The following ANAPC2 variants were observed in gnomAD, a reference collection of about 807,000 sequenced individuals.
ANAPC2 encodes the protein anaphase-promoting complex subunit 2.
A neutral mutation model predicts 84.3 loss-of-function variants in ANAPC2; 29 were observed. The ratio of observed to expected loss-of-function variants is 0.34; its 90% CI spans 0.26 to 0.47. The LOEUF is 0.47. Ranked by LOEUF, ANAPC2 falls within the 20% of genes least tolerant of loss-of-function variation. The pLI, the probability that ANAPC2 is intolerant of heterozygous loss-of-function variation, is 1.00. For synonymous variants in ANAPC2, 571 were observed against 479.4 expected (o/e 1.19, Z -2.50); for missense variants, 857 against 1,131.7 (o/e 0.76, Z 3.48).
intron 10 of ANAPC2, among the ~76,000 whole-genome samples, chr9:137,178,884 G>A (rs377596689): frequency 5.3e-5 from 8 of 152,314 alleles, no homozygotes; most frequent in South Asian, 2.1e-4. Context: ...GTCTGTCTCC[G>A]GAAGGAAGCT....
chr9:137,180,496 G>T lies in ANAPC2; in HGVS notation c.1642C>A (p.Arg548Ser). The T allele has an allele frequency of 6.2e-7, 1 of 1,613,012 alleles. No individual in the cohort carries two copies. Among genetic ancestry groups the T allele is most frequent in the Non-Finnish European group, 8.5e-7 (1 of 1,179,928 alleles). Reference protein sequence around the residue: ...EIRNVELLKLRFGEAPMHFCE... With the variant: ...EIRNVELLKLSFGEAPMHFCE... ...AAGTGCATTGGGGCCTCGCCAAAGC[G>T]CAGCTTCAGCAGCTCCACGTTGCGG... is the stretch of plus-strand genomic sequence containing the variant. The change falls in exon 9 of 13, where the codon CGC becomes AGC. Residue 548 changes from arginine to serine, a missense_variant. By Grantham distance (110) the Arg-to-Ser change is moderately radical. Around this residue, in one of 3 missense-constraint regions of ANAPC2, gnomAD observed 425 missense variants for 595.5 expected, o/e 0.71. Coordinates refer to ENST00000323927, the MANE Select transcript of ANAPC2 (RefSeq NM_013366.4).
chr9:137,181,894 T>C (rs58384967), intron 6 of ANAPC2, 32 bp from the exon 7 acceptor site: 118,438 of 1,582,094 alleles, frequency 0.075, 8,671 homozygotes, highest in East Asian at 0.37. Context: ...TGGCCCACAG[T>C]GTGGACACCC....
At position 137,180,545 on chromosome 9, in the gene ANAPC2, T is replaced by G. The variant is rs1408954782; in HGVS notation, c.1611-18A>C. 3 of 1,612,692 alleles carry G rather than the reference T, an allele frequency of 1.9e-6. No homozygotes were observed. The highest frequency in any genetic ancestry group is 2.7e-5 in the African/African-American group (2 of 74,934). ...GGATCTCCCTGGAAAGACGAGTGTC[T>G]GGGCAGGGGGTCGTGATGAGCCCCA... On this transcript the variant is annotated intron_variant, in intron 8 of 12. Transcript: ENST00000323927.
chr9:137,179,113 C>T (rs2131333067), intron 10 of ANAPC2, among the ~76,000 whole-genome samples: 1 of 152,320 alleles, frequency 6.6e-6, no homozygotes, highest in African/African-American at 2.4e-5. Context: ...CCTGAGGCTG[C>T]TCCTCCTGCC....
Position 137,175,384 on chromosome 9 carries a change from A to G in ANAPC2, c.2109T>C (p.Gly703=). The G allele has an allele frequency of 6.2e-7, 1 of 1,609,140 alleles. No homozygotes were observed. Residue 703 remains glycine, a synonymous_variant, in exon 12 of 13, where the codon GGT becomes GGC. Coordinates refer to ENST00000323927, the MANE Select transcript of ANAPC2 (RefSeq NM_013366.4). ...RRRMSVWLQQ[G]VLREEPPGTF... is the part of the protein sequence containing the mutation. Reference sequence around the variant, plus strand: ...TGCCGGGGGGCTCCTCACGCAGCACACCCTGCTGCAGCCACACGGACATCC... The same window carrying G: ...TGCCGGGGGGCTCCTCACGCAGCACGCCCTGCTGCAGCCACACGGACATCC...
chr9:137,179,418 A>C (rs1834293984), intron 10 of ANAPC2, among the ~76,000 whole-genome samples: 1 of 152,074 alleles, frequency 6.6e-6, no homozygotes, highest in Non-Finnish European at 1.5e-5. Flanking sequence ...CTCCCACCTG[A>C]CTATGAGCTC....
At chr9:137,175,211 G>GC (rs1834182086) in intron 12 of ANAPC2, 26 bp downstream of exon 12, 14 of 1,607,384 alleles carry the variant, frequency 8.7e-6, no homozygotes, top group East Asian at 4.5e-5. Flanking sequence ...CCGCCCCCTG[G>GC]CCCCCCGTGG....
Position 137,187,499 on chromosome 9 carries a change from T to C in ANAPC2, c.722A>G (p.His241Arg). 1 of 1,607,886 alleles carries C rather than the reference T, an allele frequency of 6.2e-7. No individual in the cohort carries two copies. The highest frequency in any genetic ancestry group is 8.5e-7 in the Non-Finnish European group (1 of 1,175,074). ...CWCRQALEQFHQLSQVLHRLS... is the reference protein window; with the variant it reads ...CWCRQALEQFRQLSQVLHRLS... The stretch of plus-strand genomic sequence containing the variant: ...TACTCACAAGACCTGGCTGAGCTGA[T>C]GGAACTGCTCCAGAGCCTGGCGACA... Residue 241 changes from histidine to arginine, a missense_variant, in exon 2 of 13, where the codon CAT becomes CGT. Physicochemically the swap from His to Arg is conservative, Grantham distance 29 (BLOSUM62 0). Transcript: ENST00000323927.
chr9:137,185,989 C>T lies in ANAPC2; in HGVS notation c.873+235G>A, dbSNP rs760949720. ...CCCTCGGGATCCTGGCCCGATACCG[C>T]CTGCAGCCATGGGATTCTGCGCAGA... On this transcript the variant is annotated intron_variant, in intron 3 of 12. Coordinates refer to ENST00000323927, the MANE Select transcript of ANAPC2 (RefSeq NM_013366.4). Among the ~76,000 whole-genome samples, 25 of 152,312 alleles carry T rather than the reference C, an allele frequency of 1.6e-4. No individual in the cohort carries two copies. In the Middle Eastern group the frequency reaches 0.01, roughly 62 times the overall value.
In ANAPC2 at chr9:137,175,772, G is replaced by C; in HGVS notation, c.1956C>G (p.Asp652Glu). 1 of 1,611,592 alleles carries C rather than the reference G, an allele frequency of 6.2e-7. No individual in the cohort carries two copies. Among genetic ancestry groups the C allele is most frequent in the Non-Finnish European group, 8.5e-7 (1 of 1,179,360 alleles). Residue 652 changes from aspartate to glutamate, a missense_variant, in exon 11 of 13, where the codon GAC (aspartate) becomes GAG (glutamate). Asp to Glu is a conservative substitution (Grantham distance 45). This residue lies in a region of ANAPC2 where 425 missense variants were observed against 595.5 expected (regional missense o/e 0.71). Coordinates refer to ENST00000323927, the MANE Select transcript of ANAPC2 (RefSeq NM_013366.4). ...GGGTGACCGCCACAGACAGCGTGCG[G>C]TCGGCCAGCTCCACGTCCATGGTCA... ...GLVTMDVELA[D>E]RTLSVAVTPV...
At chr9:137,177,861 G>A (rs1168754743) in intron 10 of ANAPC2, among the ~76,000 whole-genome samples, 2 of 152,208 alleles carry the variant, frequency 1.3e-5, no homozygotes, top group African/African-American at 4.8e-5. Flanking sequence ...GGGCGACGCG[G>A]CAGAGACCAG....
rs117003132 is a variant in ANAPC2, at chr9:137,186,725, G to A, written c.741-369C>T. ...ACTGCACTGCTACCCTGGCCGCAGA[G>A]GTACAGATGCCACTGTTTGTGCCTT... is the stretch of plus-strand genomic sequence containing the variant. On this transcript the variant is annotated intron_variant, in intron 2 of 12. Coordinates refer to ENST00000323927, the MANE Select transcript of ANAPC2 (RefSeq NM_013366.4). 664 of 251,372 alleles carry A rather than the reference G, an allele frequency of 2.6e-3. 3 individuals are homozygous for A. The highest frequency in any genetic ancestry group is 4.0e-3 in the Non-Finnish European group (524 of 130,022). The allele number at this position is 251,372 out of a possible 1,614,324, so 15.6% of individuals were successfully genotyped here.
rs1212609327 is a variant in ANAPC2, at chr9:137,188,109, G to A, written c.118-6C>T. 6.2e-7 allele frequency: 1 copy of A among 1,608,306 alleles called. No individual in the cohort carries two copies. Among genetic ancestry groups the A allele is most frequent in the South Asian group, 1.1e-5 (1 of 91,018 alleles). ...CCGCTGGTCCGGGAAGACACCTGGG[G>A]TGCAGAAAACCGTGAGGCGAGGGGA... is the stretch of plus-strand genomic sequence containing the variant. On this transcript the variant is annotated splice_polypyrimidine_tract_variant and splice_region_variant and intron_variant, in intron 1 of 12. Coordinates refer to ENST00000323927, the MANE Select transcript of ANAPC2 (RefSeq NM_013366.4).
rs569437569 is a variant in ANAPC2, at chr9:137,182,918, C to T, written c.1286+207G>A. Among the ~76,000 whole-genome samples the T allele has an allele frequency of 6.6e-5, 10 of 152,312 alleles. No homozygotes were observed. In the East Asian group the frequency reaches 9.7e-4, roughly 15 times the overall value. On this transcript the variant is annotated intron_variant, in intron 6 of 12. Transcript: ENST00000323927. The stretch of plus-strand genomic sequence containing the variant: ...CTCTGGCAGCTGCACACAGAGGGCA[C>T]GGTGACACCGTGTGACAAGGACAGG...
chr9:137,185,237 C>G, intron 3 of ANAPC2, 150 bp from the exon 4 acceptor site: 2 of 836,216 alleles, frequency 2.4e-6, no homozygotes, highest in Non-Finnish European at 3.5e-6. Context: ...TGGAGCACAT[C>G]AAAACCTGCA....
In ANAPC2 at chr9:137,177,225, G is replaced by C. The variant is rs190037514; in HGVS notation, c.1891-1388C>G. 3.6e-3 allele frequency among the ~76,000 whole-genome samples: 551 copies of C among 152,344 alleles called. 4 individuals carry two copies. The highest frequency in any genetic ancestry group is 4.4e-3 in the Non-Finnish European group (302 of 68,042). On this transcript the variant is annotated intron_variant, in intron 10 of 12. Coordinates refer to ENST00000323927, the MANE Select transcript of ANAPC2 (RefSeq NM_013366.4). ...GGCAGGCTCCAAGAGCAGAGCCGCC[G>C]AGGCCAAGGCTGACGGAGCAGGGGG...
chr9:137,185,792 G>T (rs1036668253), intron 3 of ANAPC2, among the ~76,000 whole-genome samples: 23 of 152,172 alleles, frequency 1.5e-4, no homozygotes, highest in Admixed American at 1.4e-3. Flanking sequence ...GTGCCTGGAG[G>T]CCCCATGTGA....
rs747216493 is a variant in ANAPC2, at chr9:137,187,492, G to A, written c.729C>T (p.Leu243=). The change falls in exon 2 of 13, where the codon CTC becomes CTT. Residue 243 remains leucine, a synonymous_variant. Transcript: ENST00000323927. ...CRQALEQFHQ[L]SQVLHRLSLL... ...GACAGACTACTCACAAGACCTGGCT[G>A]AGCTGATGGAACTGCTCCAGAGCCT... 8.1e-6 allele frequency: 13 copies of A among 1,606,646 alleles called. No individual in the cohort carries two copies. The highest frequency in any genetic ancestry group is 1.0e-5 in the Non-Finnish European group (12 of 1,174,328).
intron 10 of ANAPC2, among the ~76,000 whole-genome samples, chr9:137,179,892 C>T (rs1195372594): frequency 6.6e-6 from 1 of 152,252 alleles, no homozygotes; most frequent in Admixed American, 6.5e-5. Context: ...CTGCTGTGGC[C>T]ACAGGGGTCC....
Sources: allele counts gnomAD v4.1 joint callset (sites outside exome capture counted in the v4.1 genomes callset), GRCh38; gene constraint gnomAD v4.1.1; regional missense constraint gnomAD v4.1.1; transcripts MANE v1.5; gene names NCBI Gene and HGNC (gene_info 2026-07-23, HGNC 2026-07-21).